Variants in PCNX1 observed in about 807,000 individuals in gnomAD.
PCNX1 encodes the protein pecanex-like protein 1.
Under a neutral mutation model 242.2 loss-of-function variants are expected in PCNX1, and 78 were observed. That is an observed-to-expected ratio of 0.32 (90% CI 0.27 to 0.39). The LOEUF (loss-of-function observed/expected upper bound fraction) is 0.39, where lower values mean the gene tolerates loss of function less well. Ranked by LOEUF, PCNX1 falls within the 10% of genes least tolerant of loss-of-function variation. The pLI is 1.00. For synonymous variants in PCNX1, 1,024 were observed against 1,032.9 expected, an observed-to-expected ratio of 0.99 and a Z score of 0.17; for missense variants, 2,581 against 2,856.5, an observed-to-expected ratio of 0.90 and a Z score of 2.20.
intron 10 of PCNX1, chr14:71,012,659 G>A (rs1286264534): frequency 3.9e-5 from 12 of 309,028 alleles, no homozygotes; most frequent in East Asian, 1.9e-4. Context: ...GTAAAATCCC[G>A]TCTCTACAAA....
intron 8 of PCNX1, among the ~76,000 whole-genome samples, chr14:70,999,838 T>A (rs1566680072): frequency 6.6e-6 from 1 of 152,208 alleles, no homozygotes; most frequent in East Asian, 1.9e-4. Flanking sequence ...TGACTTTTAT[T>A]AGAGTTAGTC....
At chr14:70,924,741 A>G (rs1305491607) in intron 1 of PCNX1, among the ~76,000 whole-genome samples, 2 of 151,730 alleles carry the variant, frequency 1.3e-5, no homozygotes, top group African/African-American at 4.8e-5. Context: ...CACACACCCC[A>G]CCACGCCTGG....
intron 1 of PCNX1, among the ~76,000 whole-genome samples, chr14:70,910,059 C>CTCACCAGCACCATCATCATCACGG (rs2055774243): frequency 1.3e-5 from 1 of 77,540 alleles, no homozygotes; most frequent in Non-Finnish European, 2.8e-5. Flanking sequence ...TCCTCCTCCT[C>CTCACCAGCACCATCATCATCACGG]CTCCCCCTCC....
At chr14:71,109,773 T>G (rs367936531) in intron 35 of PCNX1, 22 bp from the exon 36 acceptor site, 4 of 1,613,186 alleles carry the variant, frequency 2.5e-6, no homozygotes, top group East Asian at 2.2e-5. Context: ...TGCTAACTTC[T>G]TGTTTTATTC....
chr14:70,968,069 A>T, intron 3 of PCNX1, 129 bp from the exon 4 acceptor site: 1 of 723,354 alleles, frequency 1.4e-6, no homozygotes. Flanking sequence ...AGTATCTTCT[A>T]ATATTGATAA....
chr14:71,090,985 C>T (rs553323686), intron 30 of PCNX1, among the ~76,000 whole-genome samples: 1 of 152,284 alleles, frequency 6.6e-6, no homozygotes, highest in African/African-American at 2.4e-5. Flanking sequence ...ACTTTATATT[C>T]TGGCCCAACA....
chr14:70,954,108 T>G (rs1443846152), intron 2 of PCNX1, among the ~76,000 whole-genome samples: 1 of 152,244 alleles, frequency 6.6e-6, no homozygotes, highest in Non-Finnish European at 1.5e-5. Flanking sequence ...GGTAGGTTCT[T>G]AAGGCTTATT....
At chr14:71,008,135 A>G (rs2059717813) in intron 8 of PCNX1, among the ~76,000 whole-genome samples, 1 of 152,196 alleles carries the variant, frequency 6.6e-6, no homozygotes, top group South Asian at 2.1e-4. Context: ...GAATGTACTT[A>G]AATAATTCAA....
intron 28 of PCNX1, among the ~76,000 whole-genome samples, chr14:71,086,717 A>G (rs1337953948): frequency 1.3e-5 from 2 of 152,128 alleles, no homozygotes; most frequent in Non-Finnish European, 2.9e-5. Context: ...CTCTCTCAGT[A>G]GCTCTCTCTA....
At position 71,109,861 on chromosome 14, in the gene PCNX1, C is replaced by G. The variant is rs201535246; in HGVS notation, c.6952C>G (p.Leu2318Val). ...GTRSHIDKAV[L>V]LVQIDDKYVT... ...CAGATCCCACATCGACAAGGCAGTG[C>G]TTCTGGTCCAGATTGATGATAAATA... The change falls in exon 36 of 36, where the codon CTT (leucine) becomes GTT (valine). Residue 2318 changes from leucine to valine, a missense_variant. Physicochemically the swap from Leu to Val is conservative, Grantham distance 32. Around this residue, in one of 9 missense-constraint regions of PCNX1, gnomAD observed 432 missense variants for 433.6 expected, o/e 1.00. Transcript: ENST00000304743. 52 of 1,612,436 alleles carry G rather than the reference C, an allele frequency of 3.2e-5. No individual in the cohort carries two copies. The highest frequency in any genetic ancestry group is 4.3e-5 in the Non-Finnish European group (51 of 1,178,648).
At chr14:71,011,697 C>A in intron 10 of PCNX1, 148 bp downstream of exon 10, 1 of 597,328 alleles carries the variant, frequency 1.7e-6, no homozygotes, top group Non-Finnish European at 3.0e-6. Context: ...TTGCTGCCCT[C>A]CAGTGGCTCT....
intron 1 of PCNX1, among the ~76,000 whole-genome samples, chr14:70,932,314 A>T (rs966392004): frequency 6.6e-6 from 1 of 152,186 alleles, no homozygotes; most frequent in Non-Finnish European, 1.5e-5. Context: ...AAACATTTTG[A>T]GGAAAAACAT....
At position 70,962,307 on chromosome 14, in the gene PCNX1, T is replaced by C. The variant is rs1463668269; in HGVS notation, c.444T>C (p.Tyr148=). 3 of 1,612,832 alleles carry C rather than the reference T, an allele frequency of 1.9e-6. No individual in the cohort carries two copies. Among genetic ancestry groups the C allele is most frequent in the Admixed American group, 3.3e-5 (2 of 60,002 alleles). The change falls in exon 3 of 36, where the codon TAT becomes TAC. Residue 148 remains tyrosine (Y), a synonymous_variant. Coordinates refer to ENST00000304743, the MANE Select transcript of PCNX1 (RefSeq NM_014982.3). ...PPVGCSSRNS[Y]AGLDPSNQIG... ...TTGGTTGCAGTTCCAGAAATTCTTA[T>C]GCCGGTCTAGATCCAAGCAACCAGG...
At chr14:71,068,887 C>G (rs1050491580) in intron 26 of PCNX1, among the ~76,000 whole-genome samples, 2 of 151,800 alleles carry the variant, frequency 1.3e-5, no homozygotes, top group Non-Finnish European at 2.9e-5. Context: ...AAAAATCCTG[C>G]AATTGCAAAG....
intron 8 of PCNX1, among the ~76,000 whole-genome samples, chr14:71,008,293 C>T (rs1432266308): frequency 6.6e-6 from 1 of 152,060 alleles, no homozygotes; most frequent in Non-Finnish European, 1.5e-5. Context: ...GCCCTTATTG[C>T]ACACTCTGCA....
rs887827417 is a variant in PCNX1, at chr14:71,113,089, T to G, written c.*3154T>G. On this transcript the variant is annotated 3_prime_UTR_variant, in exon 36 of 36. Transcript: ENST00000304743. ...ACTTTAATTTTTCCAAGAATCTAGA[T>G]TAACATAAGATGTTGATATTTAAGG... The G allele has an allele frequency of 6.6e-6, 1 of 152,184 alleles. No homozygotes were observed. Among genetic ancestry groups the G allele is most frequent in the Non-Finnish European group, 1.5e-5 (1 of 68,014 alleles). The allele number at this position is 152,184 out of a possible 1,614,324, so 9.4% of individuals were successfully genotyped here.
chr14:70,918,831 T>TA, intron 1 of PCNX1, among the ~76,000 whole-genome samples: 1 of 152,100 alleles, frequency 6.6e-6, no homozygotes, highest in East Asian at 1.9e-4. Context: ...AACAGGGTGT[T>TA]ACTGTTATCA....
At chr14:71,021,243 G>C (rs1423444740) in intron 12 of PCNX1, among the ~76,000 whole-genome samples, 1 of 152,034 alleles carries the variant, frequency 6.6e-6, no homozygotes, top group Non-Finnish European at 1.5e-5. Flanking sequence ...TGGCTATGTG[G>C]GCTCTTTTTT....
chr14:71,032,091 T>C, intron 16 of PCNX1: 1 of 625,738 alleles, frequency 1.6e-6, no homozygotes, highest in Non-Finnish European at 2.8e-6. Context: ...AGTTTCCTCA[T>C]GCTGAGAAAG....
Sources: gnomAD v4.1 joint callset for allele counts (sites outside exome capture counted in the v4.1 genomes callset) on GRCh38, gnomAD v4.1.1 for gene constraint, gnomAD v4.1.1 regional missense constraint, MANE v1.5 for transcripts, NCBI Gene and HGNC (gene_info 2026-07-23, HGNC 2026-07-21) for gene names.